SLC41A2: variants seen among roughly 807,000 people sequenced by gnomAD.
SLC41A2 encodes the protein SLC41A1-like 1.
SLC41A2 carries 32 observed loss-of-function variants against 58.3 expected under a neutral mutation model. That is an observed-to-expected ratio of 0.55 (90% CI 0.41 to 0.74). The LOEUF (loss-of-function observed/expected upper bound fraction) is 0.74. Ranked by LOEUF, SLC41A2 falls within the 30% of genes least tolerant of loss-of-function variation. SLC41A2 has a pLI of 0.00. For synonymous variants in SLC41A2, 190 were observed against 235.0 expected, an observed-to-expected ratio of 0.81 and a Z score of 1.75; for missense variants, 514 against 680.6, an observed-to-expected ratio of 0.76 and a Z score of 2.72.
At chr12:104,911,622 A>G (rs1254098319) in intron 2 of SLC41A2, among the ~76,000 whole-genome samples, 2 of 152,224 alleles carry the variant, frequency 1.3e-5, no homozygotes, top group East Asian at 3.8e-4. Flanking sequence ...TCTATCAGAT[A>G]AATGAAGGAA....
intron 10 of SLC41A2, among the ~76,000 whole-genome samples, chr12:104,830,767 G>GA (rs1386535561): frequency 6.6e-6 from 1 of 152,080 alleles, no homozygotes; most frequent in Non-Finnish European, 1.5e-5. Flanking sequence ...TCAAATGGGG[G>GA]AAAAAATGAG....
chr12:104,889,439 A>G (rs562124540), intron 4 of SLC41A2, among the ~76,000 whole-genome samples: 1 of 152,164 alleles, frequency 6.6e-6, no homozygotes, highest in Non-Finnish European at 1.5e-5. Context: ...AGTGATGCTG[A>G]TGGTATAACT....
intron 1 of SLC41A2, among the ~76,000 whole-genome samples, chr12:104,930,306 T>C (rs7980785): frequency 0.029 from 4,482 of 152,108 alleles, 191 homozygotes; most frequent in African/African-American, 0.1. Context: ...ATGAAACCAA[T>C]GGCCAGAGTG....
chr12:104,867,325 T>G (rs182063079), intron 6 of SLC41A2, among the ~76,000 whole-genome samples: 43 of 152,222 alleles, frequency 2.8e-4, no homozygotes, highest in African/African-American at 9.9e-4. Flanking sequence ...GATCAAAGTT[T>G]CATTATTATC....
chr12:104,946,755 G>C (rs1247144266), intron 1 of SLC41A2, among the ~76,000 whole-genome samples: 3 of 152,206 alleles, frequency 2.0e-5, no homozygotes, highest in Non-Finnish European at 4.4e-5. Flanking sequence ...GGAATTTCAA[G>C]TGACTTATTT....
intron 10 of SLC41A2, among the ~76,000 whole-genome samples, chr12:104,825,379 C>T (rs947544090): frequency 3.0e-4 from 45 of 152,210 alleles, no homozygotes; most frequent in Non-Finnish European, 5.4e-4. Flanking sequence ...GGGCGCTTCT[C>T]GCCTGCTGTG....
chr12:104,833,543 T>A (rs1348440077), intron 10 of SLC41A2, among the ~76,000 whole-genome samples: 1 of 152,192 alleles, frequency 6.6e-6, no homozygotes, highest in Non-Finnish European at 1.5e-5. Context: ...AGTTACTGAG[T>A]GACGGTCTCA....
intron 1 of SLC41A2, among the ~76,000 whole-genome samples, chr12:104,937,788 G>C (rs1248199700): frequency 6.6e-6 from 1 of 152,150 alleles, no homozygotes; most frequent in Non-Finnish European, 1.5e-5. Flanking sequence ...ATCAAAGTCT[G>C]TACTTTAAAT....
intron 1 of SLC41A2, among the ~76,000 whole-genome samples, chr12:104,955,895 C>T (rs2048149560): frequency 1.3e-5 from 2 of 152,078 alleles, no homozygotes; most frequent in South Asian, 4.1e-4. Context: ...TTATTTACCA[C>T]CCACACATGA....
chr12:104,924,442 G>A (rs1290502762), intron 2 of SLC41A2, among the ~76,000 whole-genome samples: 4 of 152,196 alleles, frequency 2.6e-5, no homozygotes, highest in African/African-American at 9.7e-5. Flanking sequence ...TCATGCATAT[G>A]TGCATCAAAA....
intron 3 of SLC41A2, among the ~76,000 whole-genome samples, chr12:104,907,332 T>C (rs1490614469): frequency 6.6e-6 from 1 of 152,140 alleles, no homozygotes; most frequent in Non-Finnish European, 1.5e-5. Context: ...CCTTTTAATG[T>C]TCAATAATTA....
At chr12:104,888,443 CTAGTG>C (rs1181708781) in intron 5 of SLC41A2, among the ~76,000 whole-genome samples, 6 of 152,010 alleles carry the variant, frequency 3.9e-5, no homozygotes, top group African/African-American at 1.2e-4. Flanking sequence ...AGCTAATTCT[CTAGTG>C]TAAAGTTCAT....
At chr12:104,863,086 G>T (rs1294197535) in intron 7 of SLC41A2, among the ~76,000 whole-genome samples, 2 of 152,184 alleles carry the variant, frequency 1.3e-5, no homozygotes, top group Non-Finnish European at 2.9e-5. Context: ...AATGATAAAA[G>T]TAGTTTTATT....
At chr12:104,868,977 G>A (rs546697801) in intron 6 of SLC41A2, among the ~76,000 whole-genome samples, 93 of 152,282 alleles carry the variant, frequency 6.1e-4, no homozygotes, top group Non-Finnish European at 1.1e-3. Flanking sequence ...TAGAGGAGGG[G>A]TGGGATGAGG....
At chr12:104,891,661 G>GC (rs1555209632) in intron 4 of SLC41A2, among the ~76,000 whole-genome samples, 3 of 151,608 alleles carry the variant, frequency 2.0e-5, no homozygotes, top group Non-Finnish European at 4.4e-5. Flanking sequence ...TTTCACCACT[G>GC]TTTTTTTAAC....
At position 104,880,379 on chromosome 12, in the gene SLC41A2, T is replaced by A. The variant is rs150757299; in HGVS notation, c.1027+5914A>T. ...TGAATAGGAGTGGTGAGAGAGGGCATCCCTGTCTTGTCACACTTTTCAAAG... is the reference window on the plus strand; with the variant it reads ...TGAATAGGAGTGGTGAGAGAGGGCAACCCTGTCTTGTCACACTTTTCAAAG... On this transcript the variant is annotated intron_variant, in intron 6 of 10. Transcript: ENST00000258538. 5.0e-3 allele frequency among the ~76,000 whole-genome samples: 760 copies of A among 152,350 alleles called. 9 individuals carry two copies. The highest frequency in any genetic ancestry group is 0.018 in the African/African-American group (728 of 41,578).
intron 10 of SLC41A2, among the ~76,000 whole-genome samples, chr12:104,836,716 G>A (rs969538883): frequency 6.6e-6 from 1 of 152,144 alleles, no homozygotes; most frequent in Non-Finnish European, 1.5e-5. Context: ...TCTAATAGAT[G>A]AATTTAAAAT....
At chr12:104,851,241 G>T (rs79236956) in intron 8 of SLC41A2, among the ~76,000 whole-genome samples, 1 of 152,046 alleles carries the variant, frequency 6.6e-6, no homozygotes, top group Non-Finnish European at 1.5e-5. Context: ...CTTAATTATA[G>T]ATCCTGACAT....
At chr12:104,830,497 T>A (rs114457489) in intron 10 of SLC41A2, among the ~76,000 whole-genome samples, 1,967 of 152,266 alleles carry the variant, frequency 0.013, 39 homozygotes, top group African/African-American at 0.044. Flanking sequence ...ATATTTTTGA[T>A]CCAAGGTTAG....
Sources: gnomAD v4.1 joint callset for allele counts (sites outside exome capture counted in the v4.1 genomes callset) on GRCh38, gnomAD v4.1.1 for gene constraint, MANE v1.5 for transcripts, NCBI Gene and HGNC (gene_info 2026-07-23, HGNC 2026-07-21) for gene names.